Variants in ANKS1B observed in about 807,000 individuals in gnomAD.
ANKS1B encodes ankyrin repeat and sterile alpha motif domain-containing protein 1B.
ANKS1B carries 36 observed loss-of-function variants against 148.3 expected under a neutral mutation model. The observed-to-expected ratio is 0.24, with a 90% CI of 0.19 to 0.32. ANKS1B has a LOEUF of 0.32. ANKS1B is among the 10% of genes least tolerant of loss of function. ANKS1B has a pLI of 1.00. For synonymous variants in ANKS1B, 542 were observed against 560.8 expected, an observed-to-expected ratio of 0.97 and a Z score of 0.47; for missense variants, 1,157 against 1,542.6, an observed-to-expected ratio of 0.75 and a Z score of 4.19.
Position 99,078,397 on chromosome 12 carries a change from G to A in ANKS1B, c.2625+6528C>T, listed in dbSNP as rs546231350. ...CTGTTTTATGGGATTACTGATTTGT[G>A]TATATCACTTAGATCAGTGATGTTC... On this transcript the variant is annotated intron_variant, in intron 16 of 26. Coordinates refer to ENST00000683438, the MANE Select transcript of ANKS1B (RefSeq NM_001352186.2). 4.2e-4 allele frequency among the ~76,000 whole-genome samples: 64 copies of A among 152,244 alleles called. 1 individual carries two copies. The highest frequency in any genetic ancestry group is 1.5e-3 in the African/African-American group (61 of 41,546).
At chr12:99,168,207 A>G (rs2077381810) in intron 14 of ANKS1B, among the ~76,000 whole-genome samples, 1 of 152,166 alleles carries the variant, frequency 6.6e-6, no homozygotes. Flanking sequence ...GGTTAATGAT[A>G]CCTCAATAAG....
intron 16 of ANKS1B, among the ~76,000 whole-genome samples, chr12:99,071,792 G>A (rs981990890): frequency 5.9e-5 from 9 of 151,988 alleles, no homozygotes; most frequent in Non-Finnish European, 1.2e-4. Flanking sequence ...AAACTAAGGT[G>A]CGCGCCACCA....
chr12:99,193,888 A>G lies in ANKS1B; in HGVS notation c.2420-39493T>C, dbSNP rs1365673170. ...GCGATCTTGGTTCACTACAACCTCC[A>G]CCTCCCAGGTTCAAGCGATTCTCCT... On this transcript the variant is annotated intron_variant, in intron 14 of 26. Coordinates refer to ENST00000683438, the MANE Select transcript of ANKS1B (RefSeq NM_001352186.2). Among the ~76,000 whole-genome samples, 4 of 124,780 alleles carry G rather than the reference A, an allele frequency of 3.2e-5. No individual in the cohort carries two copies. The Admixed American group carries it at 3.3e-4, about 10-fold the overall frequency. 81.9% of individuals were successfully genotyped at this position (124,780 alleles called of 152,430 possible).
At chr12:99,800,942 C>T (rs1048770173) in intron 4 of ANKS1B, among the ~76,000 whole-genome samples, 6 of 152,006 alleles carry the variant, frequency 3.9e-5, no homozygotes, top group Admixed American at 1.3e-4. Context: ...GAGTACTAAG[C>T]CCTGGGACAC....
intron 8 of ANKS1B, among the ~76,000 whole-genome samples, chr12:99,710,500 T>G (rs1270451352): frequency 1.3e-5 from 2 of 152,112 alleles, no homozygotes; most frequent in Non-Finnish European, 2.9e-5. Context: ...GTCTATGTAT[T>G]GTGAACATAT....
At chr12:98,948,773 C>G (rs932514952) in intron 17 of ANKS1B, among the ~76,000 whole-genome samples, 9 of 147,850 alleles carry the variant, frequency 6.1e-5, no homozygotes, top group Admixed American at 4.7e-4. Flanking sequence ...CCACACCCCC[C>G]CCCACACACA....
intron 10 of ANKS1B, among the ~76,000 whole-genome samples, chr12:99,484,882 G>T (rs1161373131): frequency 6.8e-6 from 1 of 146,464 alleles, no homozygotes; most frequent in Non-Finnish European, 1.5e-5. Context: ...CCACCCTTTT[G>T]CCCTCAGTTT....
At chr12:99,478,263 T>A (rs1416889513) in intron 10 of ANKS1B, among the ~76,000 whole-genome samples, 1 of 152,148 alleles carries the variant, frequency 6.6e-6, no homozygotes, top group East Asian at 1.9e-4. Flanking sequence ...CATGTTTTTG[T>A]AAATTATGCA....
chr12:99,883,700 G>A (rs1301130729), intron 1 of ANKS1B, among the ~76,000 whole-genome samples: 4 of 152,094 alleles, frequency 2.6e-5, no homozygotes, highest in Non-Finnish European at 5.9e-5. Flanking sequence ...GGTGGATCAC[G>A]AGGTCAGGAG....
intron 1 of ANKS1B, among the ~76,000 whole-genome samples, chr12:99,844,417 T>A (rs911038895): frequency 6.6e-6 from 1 of 152,094 alleles, no homozygotes; most frequent in Non-Finnish European, 1.5e-5. Context: ...GATTTTTGTA[T>A]AAAGTATAAG....
At chr12:99,669,424 GC>G (rs2098525913) in intron 8 of ANKS1B, among the ~76,000 whole-genome samples, 1 of 152,054 alleles carries the variant, frequency 6.6e-6, no homozygotes, top group South Asian at 2.1e-4. Context: ...TTCATTCAAG[GC>G]TTGCTTTTAC....
At chr12:99,574,894 A>G (rs924228220) in intron 9 of ANKS1B, among the ~76,000 whole-genome samples, 1 of 152,122 alleles carries the variant, frequency 6.6e-6, no homozygotes, top group Admixed American at 6.6e-5. Flanking sequence ...AATTCCATTT[A>G]CCATCGTGCC....
intron 10 of ANKS1B, among the ~76,000 whole-genome samples, chr12:99,444,051 T>C (rs2095595215): frequency 6.6e-6 from 1 of 152,024 alleles, no homozygotes; most frequent in Non-Finnish European, 1.5e-5. Context: ...TGTATTATTA[T>C]TCAATTCATA....
At chr12:99,862,757 T>C (rs2153719972) in intron 1 of ANKS1B, among the ~76,000 whole-genome samples, 1 of 152,312 alleles carries the variant, frequency 6.6e-6, no homozygotes, top group Non-Finnish European at 1.5e-5. Context: ...ATTCTATTTT[T>C]CTCTCACATT....
chr12:98,997,906 C>T (rs1039052751), intron 17 of ANKS1B, among the ~76,000 whole-genome samples: 9 of 152,086 alleles, frequency 5.9e-5, no homozygotes, highest in Non-Finnish European at 1.2e-4. Context: ...TTAGAGCTTG[C>T]ATTTATTTCA....
intron 17 of ANKS1B, among the ~76,000 whole-genome samples, chr12:98,892,156 A>G (rs935441102): frequency 2.6e-5 from 4 of 152,370 alleles, no homozygotes; most frequent in Non-Finnish European, 4.4e-5. Context: ...GAGGGCATCA[A>G]TAAACTCTCC....
At chr12:99,727,935 A>G (rs1345591273) in intron 8 of ANKS1B, among the ~76,000 whole-genome samples, 1 of 152,232 alleles carries the variant, frequency 6.6e-6, no homozygotes, top group Admixed American at 6.5e-5. Flanking sequence ...CTGGCTAGCC[A>G]TATGCAGAAA....
intron 12 of ANKS1B, among the ~76,000 whole-genome samples, chr12:99,320,317 T>C (rs545710706): frequency 1.3e-5 from 2 of 152,362 alleles, no homozygotes; most frequent in South Asian, 4.1e-4. Context: ...TCCCCGTCAC[T>C]TTCTGGTACA....
chr12:99,931,230 T>C (rs2094606569), intron 1 of ANKS1B, among the ~76,000 whole-genome samples: 1 of 152,040 alleles, frequency 6.6e-6, no homozygotes, highest in Non-Finnish European at 1.5e-5. Context: ...TTAGGAGATA[T>C]ACCTAATGCT....
Sources: allele counts gnomAD v4.1 joint callset (sites outside exome capture counted in the v4.1 genomes callset), GRCh38; gene constraint gnomAD v4.1.1; transcripts MANE v1.5; gene names NCBI Gene and HGNC (gene_info 2026-07-23, HGNC 2026-07-21).